Variants in MARCHF1 observed in about 807,000 individuals in gnomAD.
MARCHF1 encodes membrane associated ring-CH-type finger 1.
A neutral mutation model predicts 54.2 loss-of-function variants in MARCHF1; 40 were observed. That is an observed-to-expected ratio of 0.74 (90% CI 0.57 to 0.96). The LOEUF is 0.96. Ranked by LOEUF, MARCHF1 falls within the 40% of genes least tolerant of loss-of-function variation. The pLI, the probability that MARCHF1 is intolerant of heterozygous loss-of-function variation, is 0.00. For missense variants in MARCHF1, 586 were observed against 656.5 expected (o/e 0.89, Z 1.17); for synonymous variants, 236 against 236.3 (o/e 1.00, Z 0.01).
intron 8 of MARCHF1, among the ~76,000 whole-genome samples, chr4:163,566,055 C>A (rs539006383): frequency 6.6e-6 from 1 of 152,250 alleles, no homozygotes; most frequent in Admixed American, 6.5e-5. Context: ...CAGCAAGCAC[C>A]CCTTTGTGGC....
At chr4:163,952,120 C>T (rs1366271809) in intron 3 of MARCHF1, among the ~76,000 whole-genome samples, 1 of 152,132 alleles carries the variant, frequency 6.6e-6, no homozygotes, top group Non-Finnish European at 1.5e-5. Flanking sequence ...AAGCATCAGG[C>T]CATGAGAAAC....
chr4:163,972,001 T>C (rs933672847), intron 3 of MARCHF1, among the ~76,000 whole-genome samples: 8 of 152,178 alleles, frequency 5.3e-5, no homozygotes, highest in African/African-American at 9.7e-5. Context: ...ATATACACCA[T>C]AGAATACTGT....
intron 3 of MARCHF1, among the ~76,000 whole-genome samples, chr4:163,954,828 C>T (rs73001235): frequency 0.06 from 9,067 of 152,162 alleles, 526 homozygotes; most frequent in East Asian, 0.18. Context: ...AGTAGCCATG[C>T]TTTAAGAGCT....
chr4:164,031,442 C>A (rs982471770), intron 2 of MARCHF1, among the ~76,000 whole-genome samples: 1 of 151,310 alleles, frequency 6.6e-6, no homozygotes, highest in Non-Finnish European at 1.5e-5. Flanking sequence ...TCAAAAAAAC[C>A]ATTCAGTATG....
At chr4:164,121,559 C>A (rs71616615) in intron 1 of MARCHF1, among the ~76,000 whole-genome samples, 6,900 of 152,124 alleles carry the variant, frequency 0.045, 213 homozygotes, top group Middle Eastern at 0.14. Context: ...GGGGAATCCA[C>A]CCCCATGATT....
intron 1 of MARCHF1, among the ~76,000 whole-genome samples, chr4:164,176,020 T>C (rs1246625395): frequency 6.6e-6 from 1 of 152,122 alleles, no homozygotes; most frequent in Non-Finnish European, 1.5e-5. Context: ...CAACCTACAT[T>C]TGCTGGAATA....
chr4:163,662,614 A>G (rs1743381099), intron 5 of MARCHF1, among the ~76,000 whole-genome samples: 1 of 151,828 alleles, frequency 6.6e-6, no homozygotes, highest in African/African-American at 2.4e-5. Context: ...TCTGATAGAA[A>G]TTTTCCTCAA....
intron 1 of MARCHF1, among the ~76,000 whole-genome samples, chr4:164,116,953 T>C (rs1755950548): frequency 2.0e-5 from 3 of 152,080 alleles, no homozygotes; most frequent in Admixed American, 2.0e-4. Context: ...GCCAAATCAA[T>C]GTCTCTTTTA....
chr4:163,883,542 G>C (rs1750466433), intron 3 of MARCHF1, among the ~76,000 whole-genome samples: 1 of 152,014 alleles, frequency 6.6e-6, no homozygotes. Flanking sequence ...GAAGAGTACT[G>C]AGTGCCAACA....
intron 7 of MARCHF1, among the ~76,000 whole-genome samples, chr4:163,600,298 C>A (rs1226953885): frequency 6.6e-6 from 1 of 152,128 alleles, no homozygotes; most frequent in Non-Finnish European, 1.5e-5. Context: ...CAGTGGTTCT[C>A]AGCTTTCGGT....
chr4:163,782,622 T>C (rs1335577995), intron 4 of MARCHF1, among the ~76,000 whole-genome samples: 6 of 132,482 alleles, frequency 4.5e-5, no homozygotes, highest in South Asian at 2.3e-4. Context: ...GGAGCAGAGA[T>C]AGTGCCACTG....
chr4:164,045,072 G>C (rs904773874), intron 2 of MARCHF1, among the ~76,000 whole-genome samples: 10 of 151,266 alleles, frequency 6.6e-5, no homozygotes, highest in African/African-American at 2.4e-4. Context: ...CTATACACTA[G>C]AAAAAAATCA....
At chr4:163,884,179 C>A (rs1750480668) in intron 3 of MARCHF1, among the ~76,000 whole-genome samples, 1 of 152,044 alleles carries the variant, frequency 6.6e-6, no homozygotes, top group Non-Finnish European at 1.5e-5. Flanking sequence ...TTAGAATGAT[C>A]CAGCTTAAGT....
At chr4:163,670,141 G>C (rs1358035853) in intron 5 of MARCHF1, among the ~76,000 whole-genome samples, 1 of 151,842 alleles carries the variant, frequency 6.6e-6, no homozygotes. Context: ...AAAAATTTCA[G>C]TTAGGTTAAA....
intron 3 of MARCHF1, among the ~76,000 whole-genome samples, chr4:163,982,546 T>G (rs1220008933): frequency 6.6e-6 from 1 of 152,214 alleles, no homozygotes; most frequent in Non-Finnish European, 1.5e-5. Context: ...ATGTTGTAAG[T>G]GACATAACAT....
rs72029488 is a variant in MARCHF1 at position 163,751,805 on chromosome 4, CGT to C, written c.112-50944_112-50943del. Among the ~76,000 whole-genome samples the C allele has an allele frequency of 9.5e-4, 118 of 124,200 alleles. 2 individuals are homozygous for C. The highest frequency in any genetic ancestry group is 5.2e-3 in the South Asian group (20 of 3,862). The allele number at this position is 124,200 out of a possible 152,430, so 81.5% of individuals were successfully genotyped here. Reference sequence around the variant, plus strand: ...TAAAATATCCCAACACACATGTGCACGTGTGTGTGTGTGTGTGTGTGTGATGA... The same window carrying C: ...TAAAATATCCCAACACACATGTGCACGTGTGTGTGTGTGTGTGTGTGATGA... On this transcript the variant is annotated intron_variant, in intron 4 of 9. Transcript: ENST00000514618.
intron 1 of MARCHF1, among the ~76,000 whole-genome samples, chr4:164,114,172 TTATC>T (rs1396268024): frequency 1.3e-5 from 2 of 152,012 alleles, no homozygotes; most frequent in Non-Finnish European, 2.9e-5. Flanking sequence ...ATCAGTCGAT[TTATC>T]TATCCATATA....
intron 1 of MARCHF1, among the ~76,000 whole-genome samples, chr4:164,240,806 G>C (rs1732720194): frequency 6.6e-6 from 1 of 151,938 alleles, no homozygotes; most frequent in Admixed American, 6.6e-5. Context: ...TTCTTTGTTG[G>C]GGGAAACTAC....
chr4:164,121,691 A>G (rs991429602), intron 1 of MARCHF1, among the ~76,000 whole-genome samples: 3 of 152,104 alleles, frequency 2.0e-5, no homozygotes, highest in African/African-American at 7.2e-5. Context: ...AACAAGATCA[A>G]AACTCTAGTA....
Sources: allele counts gnomAD v4.1 joint callset (sites outside exome capture counted in the v4.1 genomes callset), GRCh38; gene constraint gnomAD v4.1.1; transcripts MANE v1.5; gene names NCBI Gene and HGNC (gene_info 2026-07-23, HGNC 2026-07-21).